SYNE2: variants seen among roughly 807,000 people sequenced by gnomAD.
The protein encoded by SYNE2 is nesprin-2.
A neutral mutation model predicts 856.3 loss-of-function variants in SYNE2; 431 were observed. That is an observed-to-expected ratio of 0.50 (90% CI 0.47 to 0.55). The LOEUF (loss-of-function observed/expected upper bound fraction) is 0.55, where lower values mean the gene tolerates loss of function less well. SYNE2 is among the 20% of genes least tolerant of loss of function. The pLI is 0.00. For missense variants in SYNE2, 8,129 were observed against 8,023.2 expected, an observed-to-expected ratio of 1.01 and a Z score of -0.50; for synonymous variants, 2,923 against 2,872.3, an observed-to-expected ratio of 1.02 and a Z score of -0.56.
At chr14:64,168,826 T>A (rs762849292) in intron 92 of SYNE2, 51 bp from the exon 93 acceptor site, 6 of 1,234,666 alleles carry the variant, frequency 4.9e-6, no homozygotes, top group Non-Finnish European at 7.2e-6. Context: ...GTTCCGAGAT[T>A]CATAAAATGA....
intron 1 of SYNE2, among the ~76,000 whole-genome samples, chr14:63,888,958 T>C (rs907401565): frequency 7.3e-5 from 11 of 151,272 alleles, no homozygotes; most frequent in African/African-American, 2.4e-4. Context: ...TCCCAGCACT[T>C]TGGGAGGCCG....
chr14:63,878,629 A>G (rs1310728304), intron 1 of SYNE2, among the ~76,000 whole-genome samples: 1 of 151,722 alleles, frequency 6.6e-6, no homozygotes, highest in East Asian at 1.9e-4. Context: ...TGCAGCTTTC[A>G]CCTCCCAGGT....
chr14:63,971,121 T>TTG (rs938021419), intron 11 of SYNE2, among the ~76,000 whole-genome samples: 2 of 67,438 alleles, frequency 3.0e-5, no homozygotes, highest in African/African-American at 6.7e-5. Context: ...GGTTTTTTGG[T>TTG]TTTTTTTTTT....
Position 64,053,380 on chromosome 14 carries a change from A to G in SYNE2, c.9467A>G (p.Asp3156Gly), listed in dbSNP as rs867618323. The G allele has an allele frequency of 1.2e-6, 2 of 1,613,874 alleles. No individual in the cohort carries two copies. Among genetic ancestry groups the G allele is most frequent in the South Asian group, 2.2e-5 (2 of 90,892 alleles). ...GAATTGGATGAAAAGAATTGTCAGG[A>G]CAAACTAGAAACTTCCTTACATGTT... Reference protein sequence around the residue: ...PKELDEKNCQDKLETSLHVLN... With the variant: ...PKELDEKNCQGKLETSLHVLN... The change falls in exon 48 of 116, where the codon GAC (aspartate) becomes GGC (glycine). Residue 3156 changes from aspartate to glycine, a missense_variant. Around this residue, in one of 3 missense-constraint regions of SYNE2, gnomAD observed 5,410 missense variants for 5,284.8 expected, o/e 1.02. Coordinates refer to ENST00000555002, the MANE Select transcript of SYNE2 (RefSeq NM_182914.3).
chr14:64,137,690 A>T, intron 78 of SYNE2, 97 bp from the exon 79 acceptor site: 1 of 1,227,766 alleles, frequency 8.1e-7, no homozygotes, highest in Non-Finnish European at 1.2e-6. Flanking sequence ...CTGTTTTATC[A>T]GTGGACACAA....
Position 64,049,862 on chromosome 14 carries a change from G to A in SYNE2, c.7629G>A (p.Lys2543=), listed in dbSNP as rs771135317. ...CAATGAAAGCCTTGTTGACAGACAA[G>A]GAAAGTCTTAAAGTGTAAGTGTAAG... is the stretch of plus-strand genomic sequence containing the variant. ...ESSMKALLTD[K]ESLKVGPLDS... The change falls in exon 47 of 116, where the codon AAG becomes AAA. Residue 2543 remains lysine (K), a synonymous_variant. Transcript: ENST00000555002. The A allele has an allele frequency of 1.2e-6, 2 of 1,614,042 alleles. No homozygotes were observed. Among genetic ancestry groups the A allele is most frequent in the Non-Finnish European group, 1.7e-6 (2 of 1,179,960 alleles).
At chr14:63,909,820 A>T (rs1300630954) in intron 2 of SYNE2, among the ~76,000 whole-genome samples, 1 of 152,216 alleles carries the variant, frequency 6.6e-6, no homozygotes, top group East Asian at 1.9e-4. Context: ...CAGCCTGGGC[A>T]ACAAGAGCGA....
At chr14:64,009,010 C>T (rs997013015) in intron 31 of SYNE2, among the ~76,000 whole-genome samples, 4 of 152,084 alleles carry the variant, frequency 2.6e-5, no homozygotes, top group Admixed American at 6.6e-5. Context: ...TGTTTCCTAC[C>T]GGAACCTGAG....
At chr14:63,768,617 C>G (rs762477114) in intron 1 of SYNE2, among the ~76,000 whole-genome samples, 1 of 152,122 alleles carries the variant, frequency 6.6e-6, no homozygotes, top group Non-Finnish European at 1.5e-5. Context: ...AATTGTTTTT[C>G]AAACTCTTAG....
Position 64,122,571 on chromosome 14 carries a change from A to T in SYNE2, c.13422+144A>T. ...GGCTGATACATTTTCTTGATCTTGG[A>T]AACCTGCATTAGGAACCCTTCCTTT... On this transcript the variant is annotated intron_variant, in intron 70 of 115. Transcript: ENST00000555002. The T allele has an allele frequency of 3.7e-6, 4 of 1,079,418 alleles. No homozygotes were observed. The South Asian group carries it at 5.4e-5, about 15-fold the overall frequency. 66.9% of individuals were successfully genotyped at this position (1,079,418 alleles called of 1,614,324 possible).
intron 6 of SYNE2, among the ~76,000 whole-genome samples, chr14:63,948,779 T>G: frequency 1.2e-5 from 1 of 82,026 alleles, no homozygotes; most frequent in South Asian, 3.5e-4. Flanking sequence ...TGTATGTGTG[T>G]GTGTATATAT....
At chr14:64,096,436 G>T (rs1158021698) in intron 61 of SYNE2, among the ~76,000 whole-genome samples, 1 of 152,186 alleles carries the variant, frequency 6.6e-6, no homozygotes, top group Non-Finnish European at 1.5e-5. Flanking sequence ...CTGTGGCCAG[G>T]GGTCTGCAGA....
intron 31 of SYNE2, among the ~76,000 whole-genome samples, chr14:64,008,927 C>G (rs928998025): frequency 1.3e-5 from 2 of 152,144 alleles, no homozygotes; most frequent in Non-Finnish European, 2.9e-5. Context: ...GCCTCGGCCT[C>G]CCTGGCAGTT....
At chr14:63,957,248 C>G (rs1017975107) in intron 8 of SYNE2, among the ~76,000 whole-genome samples, 2 of 149,584 alleles carry the variant, frequency 1.3e-5, no homozygotes, top group African/African-American at 4.9e-5. Context: ...CAGGTGTGCG[C>G]CACCATGCCC....
At position 64,024,329 on chromosome 14, in the gene SYNE2, C is replaced by T. The variant is rs762428121; in HGVS notation, c.5710C>T (p.His1904Tyr). 3.7e-6 allele frequency: 6 copies of T among 1,614,032 alleles called. No homozygotes were observed. The highest frequency in any genetic ancestry group is 3.3e-5 in the Admixed American group (2 of 60,006). The change falls in exon 39 of 116, where the codon CAT becomes TAT. Residue 1904 changes from histidine (H) to tyrosine (Y), a missense_variant. Coordinates refer to ENST00000555002, the MANE Select transcript of SYNE2 (RefSeq NM_182914.3). ...VDSVLKHVKK[H>Y]LPKAHVKELI... ...CAGCGTACTGAAGCATGTGAAGAAGCATCTGCCCAAAGCACATGTGAAGGA... is the reference window on the plus strand; with the variant it reads ...CAGCGTACTGAAGCATGTGAAGAAGTATCTGCCCAAAGCACATGTGAAGGA...
At chr14:64,220,056 A>G (rs1209388183) in intron 110 of SYNE2, among the ~76,000 whole-genome samples, 1 of 152,208 alleles carries the variant, frequency 6.6e-6, no homozygotes, top group African/African-American at 2.4e-5. Context: ...GTGTTAATAT[A>G]TTAGGGGTTA....
intron 1 of SYNE2, among the ~76,000 whole-genome samples, chr14:63,888,001 C>T (rs1595447911): frequency 6.6e-6 from 1 of 152,056 alleles, no homozygotes; most frequent in East Asian, 1.9e-4. Flanking sequence ...GATCTGCCCG[C>T]CTTGGCCTCC....
intron 10 of SYNE2, among the ~76,000 whole-genome samples, chr14:63,965,255 A>G (rs868102997): frequency 1.6e-4 from 24 of 152,238 alleles, no homozygotes; most frequent in South Asian, 4.1e-4. Context: ...GAGCCACCAC[A>G]TCTGACCATG....
At chr14:64,196,767 C>G (rs1048485595) in intron 99 of SYNE2, 1 of 152,224 alleles carries the variant, frequency 6.6e-6, no homozygotes, top group African/African-American at 2.4e-5. Flanking sequence ...CTTCCCCCAG[C>G]GTTGCAATCC....
Sources: gnomAD v4.1 joint callset for allele counts (sites outside exome capture counted in the v4.1 genomes callset) on GRCh38, gnomAD v4.1.1 for gene constraint, gnomAD v4.1.1 regional missense constraint, MANE v1.5 for transcripts, NCBI Gene and HGNC (gene_info 2026-07-23, HGNC 2026-07-21) for gene names.